The following ANO3 variants were observed in gnomAD, a reference collection of about 807,000 sequenced individuals.
The protein encoded by ANO3 is anoctamin-3.
In ANO3, 99 loss-of-function variants were observed where a neutral mutation model predicts 144.8. The observed-to-expected ratio is 0.68, with a 90% CI of 0.58 to 0.81. The LOEUF is 0.81. Ranked by LOEUF, ANO3 falls within the 30% of genes least tolerant of loss-of-function variation. The pLI is 0.00. For synonymous variants in ANO3, 414 were observed against 392.6 expected (o/e 1.05, Z -0.64); for missense variants, 905 against 1,202.2 (o/e 0.75, Z 3.66).
chr11:26,429,178 C>T (rs1029566541), intron 1 of ANO3, among the ~76,000 whole-genome samples: 1 of 152,122 alleles, frequency 6.6e-6, no homozygotes, highest in African/African-American at 2.4e-5. Flanking sequence ...AGGGGTGCTA[C>T]TGCTGCTGAC....
chr11:26,206,125 A>G (rs1470641169), intron 1 of ANO3, among the ~76,000 whole-genome samples: 1 of 152,176 alleles, frequency 6.6e-6, no homozygotes, highest in African/African-American at 2.4e-5. Flanking sequence ...ATTTGGAACT[A>G]TTTAAATACA....
intron 18 of ANO3, among the ~76,000 whole-genome samples, chr11:26,632,530 T>G (rs1421516633): frequency 2.1e-5 from 3 of 146,234 alleles, no homozygotes; most frequent in African/African-American, 5.0e-5. Flanking sequence ...AAAAAAAAAT[T>G]TATATATATA....
chr11:26,472,848 T>C (rs749583074), intron 4 of ANO3, among the ~76,000 whole-genome samples: 46 of 151,998 alleles, frequency 3.0e-4, no homozygotes, highest in Admixed American at 7.2e-4. Context: ...AATATGAATA[T>C]TTTGAGGAAT....
chr11:26,408,185 G>A (rs1229059320), intron 1 of ANO3, among the ~76,000 whole-genome samples: 2 of 151,832 alleles, frequency 1.3e-5, no homozygotes, highest in African/African-American at 2.4e-5. Context: ...GAGTGAACAG[G>A]CAACCTACAA....
chr11:26,403,465 A>T (rs1857200240), intron 1 of ANO3, among the ~76,000 whole-genome samples: 1 of 151,926 alleles, frequency 6.6e-6, no homozygotes, highest in African/African-American at 2.4e-5. Context: ...CTCTAATTTC[A>T]AATTGCAGCT....
intron 1 of ANO3, among the ~76,000 whole-genome samples, chr11:26,431,848 C>T (rs11029557): frequency 0.33 from 49,857 of 151,992 alleles, 9,499 homozygotes; most frequent in African/African-American, 0.54. Context: ...TTATTGTGAG[C>T]AGTGCTGCAA....
chr11:26,612,636 T>G (rs1852132175), intron 17 of ANO3, among the ~76,000 whole-genome samples: 1 of 152,064 alleles, frequency 6.6e-6, no homozygotes, highest in South Asian at 2.1e-4. Context: ...ATATTCTTTT[T>G]GTTTCCAACT....
intron 1 of ANO3, among the ~76,000 whole-genome samples, chr11:26,386,197 T>G (rs1225670108): frequency 6.6e-6 from 1 of 152,144 alleles, no homozygotes; most frequent in East Asian, 1.9e-4. Context: ...CCAGAAGATT[T>G]TAGCATCAAA....
chr11:26,270,833 T>C (rs1853422929), intron 1 of ANO3, among the ~76,000 whole-genome samples: 1 of 152,174 alleles, frequency 6.6e-6, no homozygotes, highest in Non-Finnish European at 1.5e-5. Flanking sequence ...AGGGAGCATA[T>C]GCAAACGAAG....
intron 17 of ANO3, among the ~76,000 whole-genome samples, chr11:26,602,864 C>T (rs577296326): frequency 3.9e-5 from 6 of 152,248 alleles, no homozygotes; most frequent in Admixed American, 2.0e-4. Context: ...CCCTCCCCAA[C>T]CCATGTAATT....
intron 1 of ANO3, among the ~76,000 whole-genome samples, chr11:26,235,338 C>A (rs1350315563): frequency 6.6e-6 from 1 of 152,062 alleles, no homozygotes; most frequent in Middle Eastern, 3.2e-3. Flanking sequence ...TAAAAATCAG[C>A]AAGTTACTAT....
chr11:26,547,885 A>G (rs1849828777), intron 12 of ANO3, among the ~76,000 whole-genome samples: 1 of 151,940 alleles, frequency 6.6e-6, no homozygotes, highest in South Asian at 2.1e-4. Context: ...CCCTCTTGAT[A>G]TATTCATTCA....
chr11:26,647,248 C>G (rs779133553), intron 23 of ANO3, among the ~76,000 whole-genome samples: 1 of 152,102 alleles, frequency 6.6e-6, no homozygotes, highest in Non-Finnish European at 1.5e-5. Context: ...TTCTTACCAC[C>G]AGACTAGTTT....
intron 1 of ANO3, among the ~76,000 whole-genome samples, chr11:26,219,374 A>T (rs568037996): frequency 1.1e-3 from 171 of 152,176 alleles, no homozygotes; most frequent in Non-Finnish European, 2.0e-3. Context: ...ATCTGAGCCT[A>T]CTGAACTATT....
chr11:26,385,893 G>GTGTGTATATATATATATA (rs1183332896), intron 1 of ANO3, among the ~76,000 whole-genome samples: 3 of 143,694 alleles, frequency 2.1e-5, no homozygotes, highest in African/African-American at 8.1e-5. Flanking sequence ...CTTTGTGTGT[G>GTGTGTATATATATATATA]TATATATATT....
At chr11:26,298,176 T>C (rs890655975) in intron 1 of ANO3, among the ~76,000 whole-genome samples, 1 of 152,148 alleles carries the variant, frequency 6.6e-6, no homozygotes, top group Non-Finnish European at 1.5e-5. Context: ...AGGACTTAGA[T>C]ATGTAGCCAA....
At chr11:26,535,421 C>A (rs1048045192) in intron 9 of ANO3, among the ~76,000 whole-genome samples, 2 of 151,828 alleles carry the variant, frequency 1.3e-5, no homozygotes, top group African/African-American at 4.8e-5. Context: ...ATAGGGGTGA[C>A]GAAATGCTTG....
chr11:26,398,584 T>C (rs767328525), intron 1 of ANO3, among the ~76,000 whole-genome samples: 9 of 152,122 alleles, frequency 5.9e-5, no homozygotes, highest in Non-Finnish European at 8.8e-5. Context: ...TATTTTCAAA[T>C]AGGATCTCAT....
At chr11:26,248,781 T>G (rs1716603414) in intron 1 of ANO3, among the ~76,000 whole-genome samples, 1 of 152,190 alleles carries the variant, frequency 6.6e-6, no homozygotes, top group Admixed American at 6.5e-5. Context: ...TCCCCAACCC[T>G]GGGCAGGGAC....
Sources: gnomAD v4.1 joint callset for allele counts (sites outside exome capture counted in the v4.1 genomes callset) on GRCh38, gnomAD v4.1.1 for gene constraint, MANE v1.5 for transcripts, NCBI Gene and HGNC (gene_info 2026-07-23, HGNC 2026-07-21) for gene names.